Variants in KLHDC1 observed in about 807,000 individuals in gnomAD.
KLHDC1 encodes the protein kelch domain-containing protein 1.
A neutral mutation model predicts 68.3 loss-of-function variants in KLHDC1; 53 were observed. That is an observed-to-expected ratio of 0.78 (90% CI 0.62 to 0.98). KLHDC1 has a LOEUF of 0.98. Among genes scored for constraint, KLHDC1 ranks in the 50% least tolerant of loss-of-function variants. The probability of loss-of-function intolerance (pLI) is 0.00; values close to 1 mark genes in which losing one functional copy is unlikely to be tolerated. For synonymous variants in KLHDC1, 148 were observed against 159.0 expected, an observed-to-expected ratio of 0.93 and a Z score of 0.52; for missense variants, 470 against 492.3, an observed-to-expected ratio of 0.95 and a Z score of 0.43.
At chr14:49,713,798 G>GTATA (rs1174449263) in intron 4 of KLHDC1, among the ~76,000 whole-genome samples, 5 of 58,562 alleles carry the variant, frequency 8.5e-5, no homozygotes, top group African/African-American at 2.7e-4. Context: ...GAGGCAGGAG[G>GTATA]TATATATATA....
In KLHDC1 at chr14:49,734,586, CA is replaced by C. The variant is rs1888889663; in HGVS notation, c.824-2del. 3 of 1,562,088 alleles carry C rather than the reference CA, an allele frequency of 1.9e-6. No individual in the cohort carries two copies. Among genetic ancestry groups the C allele is most frequent in the Non-Finnish European group, 2.6e-6 (3 of 1,144,626 alleles). On this transcript the variant is annotated splice_acceptor_variant, in intron 9 of 12. Coordinates refer to ENST00000359332, the MANE Select transcript of KLHDC1 (RefSeq NM_172193.3). LOFTEE classifies it high-confidence loss of function. ...TAATTTCTGAACTGTCATGATATTG[CA>C]GGTGATGGTTGGATTCATAATGTCA...
intron 4 of KLHDC1, among the ~76,000 whole-genome samples, chr14:49,717,602 G>T (rs1319627972): frequency 6.6e-6 from 1 of 152,036 alleles, no homozygotes; most frequent in African/African-American, 2.4e-5. Context: ...TGTATTCTGG[G>T]TGTTGATCCC....
At chr14:49,744,419 C>T (rs1418218161) in intron 12 of KLHDC1, among the ~76,000 whole-genome samples, 1 of 151,930 alleles carries the variant, frequency 6.6e-6, no homozygotes, top group East Asian at 1.9e-4. Context: ...TAATTCTAAG[C>T]CTGACATTTT....
Position 49,693,242 on chromosome 14 carries a change from C to G in KLHDC1, c.48C>G (p.His16Gln). 1 of 1,574,188 alleles carries G rather than the reference C, an allele frequency of 6.4e-7. No homozygotes were observed. Among genetic ancestry groups the G allele is most frequent in the Non-Finnish European group, 8.6e-7 (1 of 1,162,318 alleles). ...GTGTGGCGGAGGAACGCAGCGGCCA[C>G]TGCGCCGTGGTGGACGGAAACTTCC... ...LFCVAEERSG[H>Q]CAVVDGNFLY... is the part of the protein sequence containing the mutation. The change falls in exon 1 of 13, where the codon CAC becomes CAG. Residue 16 changes from histidine (H) to glutamine (Q), a missense_variant. By Grantham distance (24) the His-to-Gln change is conservative. Transcript: ENST00000359332.
chr14:49,695,416 C>A (rs1887712041), intron 1 of KLHDC1, among the ~76,000 whole-genome samples: 1 of 149,978 alleles, frequency 6.7e-6, no homozygotes, highest in Non-Finnish European at 1.5e-5. Context: ...GATCTCCCAT[C>A]AGAGCTCTTG....
intron 4 of KLHDC1, among the ~76,000 whole-genome samples, chr14:49,713,189 C>T (rs957871251): frequency 2.5e-4 from 37 of 149,310 alleles, no homozygotes; most frequent in African/African-American, 8.9e-4. Context: ...CTCCTGACCT[C>T]GTGATCCGCC....
At position 49,751,668 on chromosome 14, in the gene KLHDC1, G is replaced by A. The variant is rs772790690; in HGVS notation, c.1117G>A (p.Val373Ile). The change falls in exon 13 of 13, where the codon GTA (valine) becomes ATA (isoleucine). Residue 373 changes from valine to isoleucine, a missense_variant. Transcript: ENST00000359332. ...SLLPPKLLQQ[V>I]LKKITFWAAA... ...ATTACCTCCTAAACTTCTGCAACAAGTACTCAAAAAAATAACATTTTGGGC... is the reference window on the plus strand; with the variant it reads ...ATTACCTCCTAAACTTCTGCAACAAATACTCAAAAAAATAACATTTTGGGC... 6.2e-7 allele frequency: 1 copy of A among 1,605,180 alleles called. No individual in the cohort carries two copies. The highest frequency in any genetic ancestry group is 1.7e-5 in the Admixed American group (1 of 59,284).
At chr14:49,717,424 G>A (rs1888408296) in intron 4 of KLHDC1, among the ~76,000 whole-genome samples, 1 of 152,138 alleles carries the variant, frequency 6.6e-6, no homozygotes, top group African/African-American at 2.4e-5. Context: ...TAGCAGATGT[G>A]AAATGGTATT....
chr14:49,707,691 C>T (rs1888093674), intron 1 of KLHDC1: 1 of 141,476 alleles, frequency 7.1e-6, no homozygotes, highest in South Asian at 2.3e-4. Context: ...GCCTCTGTCG[C>T]CCAGGCTGGA....
chr14:49,741,111 T>C (rs938965352), intron 11 of KLHDC1, among the ~76,000 whole-genome samples: 2 of 152,024 alleles, frequency 1.3e-5, no homozygotes, highest in Non-Finnish European at 2.9e-5. Context: ...TATATATTTT[T>C]ATCTAATATT....
intron 4 of KLHDC1, among the ~76,000 whole-genome samples, chr14:49,716,941 T>A (rs1888393555): frequency 6.6e-6 from 1 of 152,208 alleles, no homozygotes; most frequent in Non-Finnish European, 1.5e-5. Flanking sequence ...AATAAGCAGA[T>A]AATAGGTATT....
rs113627960 is a variant in KLHDC1 at position 49,706,991 on chromosome 14, G to C, written c.97-2168G>C. ...GTGCAGAAGCATTTAAACTTGATATGATCCCATTTGTCCATTTTTGCTTTG... is the reference window on the plus strand; with the variant it reads ...GTGCAGAAGCATTTAAACTTGATATCATCCCATTTGTCCATTTTTGCTTTG... On this transcript the variant is annotated intron_variant, in intron 1 of 12. Coordinates refer to ENST00000359332, the MANE Select transcript of KLHDC1 (RefSeq NM_172193.3). 3.3e-3 allele frequency among the ~76,000 whole-genome samples: 498 copies of C among 152,224 alleles called. 2 individuals are homozygous for C. The highest frequency in any genetic ancestry group is 5.5e-3 in the Non-Finnish European group (373 of 67,992).
intron 4 of KLHDC1, among the ~76,000 whole-genome samples, chr14:49,719,178 G>T (rs1888463247): frequency 6.6e-6 from 1 of 151,810 alleles, no homozygotes; most frequent in Admixed American, 6.6e-5. Context: ...GTTTGTTCTT[G>T]TCTAATTCCT....
In KLHDC1 at chr14:49,720,105, G is replaced by A. The variant is rs188970588; in HGVS notation, c.405-3769G>A. Among the ~76,000 whole-genome samples, 43 of 151,928 alleles carry A rather than the reference G, an allele frequency of 2.8e-4. No individual in the cohort carries two copies. In the East Asian group the frequency reaches 8.1e-3, roughly 29 times the overall value. ...AGGTTCAAGCAATTCTCCTGCCTCAGCCTCCTGTGTAGCTGGGATTACAGG... is the reference window on the plus strand; with the variant it reads ...AGGTTCAAGCAATTCTCCTGCCTCAACCTCCTGTGTAGCTGGGATTACAGG... On this transcript the variant is annotated intron_variant, in intron 4 of 12. Transcript: ENST00000359332.
At chr14:49,701,860 C>T (rs1446102107) in intron 1 of KLHDC1, among the ~76,000 whole-genome samples, 1 of 151,480 alleles carries the variant, frequency 6.6e-6, no homozygotes, top group Non-Finnish European at 1.5e-5. Flanking sequence ...ATGATGAAAC[C>T]CCATCTCTAC....
intron 4 of KLHDC1, among the ~76,000 whole-genome samples, chr14:49,720,698 A>G (rs535694749): frequency 2.0e-5 from 3 of 152,042 alleles, no homozygotes; most frequent in African/African-American, 4.8e-5. Context: ...CATTACATGC[A>G]TGTTAGGCCA....
Position 49,721,081 on chromosome 14 carries a change from T to G in KLHDC1, c.405-2793T>G, listed in dbSNP as rs1888513822. Among the ~76,000 whole-genome samples, 6 of 152,336 alleles carry G rather than the reference T, an allele frequency of 3.9e-5. No homozygotes were observed. In the South Asian group the frequency reaches 1.2e-3, roughly 32 times the overall value. On this transcript the variant is annotated intron_variant, in intron 4 of 12. Transcript: ENST00000359332. ...TCATAGTTTTTTTAAAGGCCCTGTC[T>G]GATAATTCCATTGTCTAGACCACCT...
intron 4 of KLHDC1, among the ~76,000 whole-genome samples, chr14:49,715,482 C>T (rs1888344799): frequency 6.6e-6 from 1 of 151,036 alleles, no homozygotes; most frequent in Non-Finnish European, 1.5e-5. Context: ...TGTGGTGGCT[C>T]ACGCCTGTAA....
intron 11 of KLHDC1, among the ~76,000 whole-genome samples, chr14:49,741,102 A>T (rs1166321637): frequency 6.6e-6 from 1 of 152,164 alleles, no homozygotes; most frequent in Non-Finnish European, 1.5e-5. Flanking sequence ...TCAAAGAAAT[A>T]TATATTTTTA....
Sources: gnomAD v4.1 joint callset for allele counts (sites outside exome capture counted in the v4.1 genomes callset) on GRCh38, gnomAD v4.1.1 for gene constraint, MANE v1.5 for transcripts, NCBI Gene and HGNC (gene_info 2026-07-23, HGNC 2026-07-21) for gene names.